LMF1: variants seen among roughly 807,000 people sequenced by gnomAD.
LMF1 encodes transmembrane protein 112.
In LMF1, 68 loss-of-function variants were observed where a neutral mutation model predicts 60.6. The observed-to-expected ratio is 1.12, with a 90% CI of 0.92 to 1.37. LMF1 has a LOEUF of 1.37. Ranked by LOEUF, LMF1 falls within the 40% of genes most tolerant of loss-of-function variation. The pLI is 0.00. For missense variants in LMF1, 948 were observed against 767.2 expected (o/e 1.24, Z -2.78); for synonymous variants, 418 against 324.7 (o/e 1.29, Z -3.09).
At chr16:928,468 T>C (rs950529311) in intron 3 of LMF1, among the ~76,000 whole-genome samples, 1 of 152,162 alleles carries the variant, frequency 6.6e-6, no homozygotes, top group Non-Finnish European at 1.5e-5. Context: ...GATGGGACTG[T>C]AGTAAGAAAC....
Position 962,999 on chromosome 16 carries a change from G to A in LMF1, c.193+7789C>T, listed in dbSNP as rs573849619. Among the ~76,000 whole-genome samples, 332 of 152,168 alleles carry A rather than the reference G, an allele frequency of 2.2e-3. No individual in the cohort carries two copies. Among genetic ancestry groups the A allele is most frequent in the South Asian group, 2.9e-3 (14 of 4,806 alleles). ...TGGTGACCTCTAAAGGGGCTGCGAC[G>A]GCAGGTGGGTGGGGGCAGCTCCAAG... is the stretch of plus-strand genomic sequence containing the variant. On this transcript the variant is annotated intron_variant, in intron 1 of 10. Transcript: ENST00000262301. The surrounding 1 kb of genome is among the most constrained non-coding windows in gnomAD (Gnocchi z 4.5).
intron 3 of LMF1, among the ~76,000 whole-genome samples, chr16:922,664 G>T (rs1292894275): frequency 1.4e-5 from 2 of 139,092 alleles, no homozygotes; most frequent in African/African-American, 5.2e-5. Context: ...CTGGGTTTTC[G>T]GGTGTGATGT....
intron 1 of LMF1, among the ~76,000 whole-genome samples, chr16:964,274 C>A (rs1335739605): frequency 4.2e-5 from 5 of 120,040 alleles, no homozygotes; most frequent in Admixed American, 2.0e-4. Context: ...GCAGCCTGGG[C>A]GAAAAAGTGA....
intron 10 of LMF1, among the ~76,000 whole-genome samples, chr16:864,615 G>A (rs1356531471): frequency 4.0e-5 from 6 of 151,540 alleles, no homozygotes; most frequent in Non-Finnish European, 8.8e-5. Context: ...AACTTATGCT[G>A]CATTTATCAG....
chr16:980,450 A>G (rs2073317259), intron 1 of LMF1: 1 of 152,268 alleles, frequency 6.6e-6, no homozygotes. Context: ...GTAACGGACC[A>G]GCTCCTTCTG....
At chr16:928,457 G>A (rs998157284) in intron 3 of LMF1, among the ~76,000 whole-genome samples, 4 of 152,148 alleles carry the variant, frequency 2.6e-5, no homozygotes, top group Non-Finnish European at 5.9e-5. Flanking sequence ...ACTCTCCCCT[G>A]GATGGGACTG....
At chr16:908,372 T>C (rs994417588) in intron 4 of LMF1, among the ~76,000 whole-genome samples, 1 of 152,182 alleles carries the variant, frequency 6.6e-6, no homozygotes. Context: ...CAACAAGCCA[T>C]GGCCAACTGT....
At chr16:888,054 C>G (rs1156322640) in intron 5 of LMF1, among the ~76,000 whole-genome samples, 1 of 152,226 alleles carries the variant, frequency 6.6e-6, no homozygotes, top group Non-Finnish European at 1.5e-5. Context: ...CGTCACGGGG[C>G]CTGTCTGTAG....
At chr16:940,131 G>A (rs868722334) in intron 2 of LMF1, among the ~76,000 whole-genome samples, 1 of 152,110 alleles carries the variant, frequency 6.6e-6, no homozygotes, top group African/African-American at 2.4e-5. Context: ...TGGAAGAGAC[G>A]AGGAAGGACC....
At chr16:946,470 G>C in intron 2 of LMF1, among the ~76,000 whole-genome samples, 1 of 152,224 alleles carries the variant, frequency 6.6e-6, no homozygotes. Flanking sequence ...ACGCTGTCCT[G>C]TGGCCTCCTA....
intron 3 of LMF1, among the ~76,000 whole-genome samples, chr16:917,205 C>T (rs1313842811): frequency 6.6e-6 from 1 of 152,358 alleles, no homozygotes; most frequent in East Asian, 1.9e-4. Flanking sequence ...CTCACCTCCC[C>T]CAAGCACATG....
upstream of LMF1, among the ~76,000 whole-genome samples, chr16:973,218 A>G (rs1176557331): frequency 2.0e-5 from 3 of 151,972 alleles, no homozygotes; most frequent in Non-Finnish European, 4.4e-5. Context: ...GGTGGCGGGC[A>G]CCTGTAATCC....
intron 10 of LMF1, among the ~76,000 whole-genome samples, chr16:868,711 G>A (rs1330278926): frequency 7.4e-6 from 1 of 135,354 alleles, no homozygotes; most frequent in African/African-American, 2.7e-5. Context: ...ACCACGGCTG[G>A]TTTGGTTTGA....
rs555444008 is a variant in LMF1, at chr16:897,234, G to A, written c.664-4162C>T. Reference sequence around the variant, plus strand: ...GGAAACTCGAAGTGTCTTGACGGTCGTATGCGGAGAAGGAGACACTCTGTG... The same window carrying A: ...GGAAACTCGAAGTGTCTTGACGGTCATATGCGGAGAAGGAGACACTCTGTG... On this transcript the variant is annotated intron_variant, in intron 4 of 10. Coordinates refer to ENST00000262301, the MANE Select transcript of LMF1 (RefSeq NM_022773.4). This position sits in a 1 kb window ranked among gnomAD's most constrained non-coding sequence, Gnocchi z 4.3. Among the ~76,000 whole-genome samples the A allele has an allele frequency of 1.3e-4, 20 of 152,320 alleles. No homozygotes were observed. The highest frequency in any genetic ancestry group is 1.2e-3 in the Admixed American group (18 of 15,302).
Position 908,492 on chromosome 16 carries a change from G to A in LMF1, c.663+2439C>T, listed in dbSNP as rs79672717. Among the ~76,000 whole-genome samples, 400 of 151,804 alleles carry A rather than the reference G, an allele frequency of 2.6e-3. 5 individuals are homozygous for A. Among genetic ancestry groups the A allele is most frequent in the African/African-American group, 9.1e-3 (379 of 41,444 alleles). On this transcript the variant is annotated intron_variant, in intron 4 of 10. Coordinates refer to ENST00000262301, the MANE Select transcript of LMF1 (RefSeq NM_022773.4). ...TTCCCTCCCGCTGTGCCATGGCCCC[G>A]AGCACACCCGACCAGGCAAGGAGGC...
At chr16:909,976 C>G (rs555329103) in intron 4 of LMF1, among the ~76,000 whole-genome samples, 1 of 152,212 alleles carries the variant, frequency 6.6e-6, no homozygotes, top group Admixed American at 6.5e-5. Flanking sequence ...GAATCCTCCA[C>G]GAAACACTTA....
intron 5 of LMF1, among the ~76,000 whole-genome samples, chr16:888,008 C>A (rs2070360731): frequency 6.6e-6 from 1 of 152,306 alleles, no homozygotes; most frequent in East Asian, 1.9e-4. Flanking sequence ...GTGGCCTGGG[C>A]CCCAGCGGTG....
intron 3 of LMF1, among the ~76,000 whole-genome samples, chr16:916,971 T>TA (rs2071295905): frequency 6.6e-6 from 1 of 152,180 alleles, no homozygotes. Context: ...CCGGGTCTGT[T>TA]ACGGCTATTT....
upstream of LMF1, chr16:971,052 T>C (rs1265730375): frequency 1.6e-6 from 2 of 1,275,570 alleles, no homozygotes; most frequent in Non-Finnish European, 2.0e-6. Flanking sequence ...AGGCCCCGCC[T>C]CTCCCTGGCC....
Sources: allele counts gnomAD v4.1 joint callset (sites outside exome capture counted in the v4.1 genomes callset), GRCh38; gene constraint gnomAD v4.1.1; non-coding constraint Gnocchi (gnomAD v3.1); transcripts MANE v1.5; gene names NCBI Gene and HGNC (gene_info 2026-07-23, HGNC 2026-07-21).